The following AGTPBP1 variants were observed in gnomAD, a reference collection of about 807,000 sequenced individuals.
AGTPBP1 encodes cytosolic carboxypeptidase 1.
In AGTPBP1, 70 loss-of-function variants were observed where a neutral mutation model predicts 143.9. The ratio of observed to expected loss-of-function variants is 0.49; its 90% CI spans 0.40 to 0.59. AGTPBP1 has a LOEUF of 0.59. Among genes scored for constraint, AGTPBP1 ranks in the 20% least tolerant of loss-of-function variants. AGTPBP1 has a pLI of 0.00. For missense variants in AGTPBP1, 1,229 were observed against 1,464.5 expected, an observed-to-expected ratio of 0.84 and a Z score of 2.62; for synonymous variants, 463 against 500.2, an observed-to-expected ratio of 0.93 and a Z score of 0.99.
At chr9:85,767,410 C>T in the AGTPBP1 span, among the ~76,000 whole-genome samples, 1 of 150,000 alleles carries the variant, frequency 6.7e-6, no homozygotes, top group Admixed American at 6.7e-5. Flanking sequence ...TGCAGTGGCG[C>T]GATCTCAGCT....
At chr9:85,594,924 A>C (rs1266578618) in intron 18 of AGTPBP1, among the ~76,000 whole-genome samples, 1 of 152,226 alleles carries the variant, frequency 6.6e-6, no homozygotes, top group African/African-American at 2.4e-5. Context: ...TCATTCTTTA[A>C]AAGTCTAAAT....
chr9:85,644,042 T>C (rs1454400969), intron 12 of AGTPBP1, among the ~76,000 whole-genome samples: 1 of 152,116 alleles, frequency 6.6e-6, no homozygotes, highest in African/African-American at 2.4e-5. Flanking sequence ...CTGACCATAC[T>C]TACACATATT....
chr9:85,600,262 C>T (rs1477005539), intron 17 of AGTPBP1, among the ~76,000 whole-genome samples: 8 of 152,134 alleles, frequency 5.3e-5, no homozygotes, highest in Non-Finnish European at 1.2e-4. Context: ...CTTCCTGGGA[C>T]TCAGTGAGCC....
intron 1 of AGTPBP1, among the ~76,000 whole-genome samples, chr9:85,724,424 A>C (rs929570942): frequency 7.9e-5 from 12 of 152,220 alleles, no homozygotes; most frequent in African/African-American, 2.9e-4. Context: ...GTTATATACA[A>C]ACCTGTGTCA....
intron 25 of AGTPBP1, among the ~76,000 whole-genome samples, chr9:85,574,492 A>T (rs917150495): frequency 2.6e-5 from 4 of 151,634 alleles, no homozygotes; most frequent in Admixed American, 2.0e-4. Flanking sequence ...GAATTATGAC[A>T]TGAAATTATC....
At chr9:85,766,913 C>G in the AGTPBP1 span, among the ~76,000 whole-genome samples, 1 of 151,764 alleles carries the variant, frequency 6.6e-6, no homozygotes, top group South Asian at 2.1e-4. Context: ...AAATATTTTT[C>G]CTAATTTTAT....
intron 1 of AGTPBP1, among the ~76,000 whole-genome samples, chr9:85,715,418 A>C: frequency 6.6e-6 from 1 of 152,194 alleles, no homozygotes; most frequent in East Asian, 1.9e-4. Flanking sequence ...TAGCACTCAG[A>C]AACAAGGACG....
intron 12 of AGTPBP1, among the ~76,000 whole-genome samples, chr9:85,643,510 G>A (rs954101877): frequency 1.3e-5 from 2 of 152,096 alleles, no homozygotes; most frequent in African/African-American, 4.8e-5. Flanking sequence ...ATCACACACT[G>A]CCCCAATACA....
chr9:85,710,243 A>G (rs542884658), intron 2 of AGTPBP1, among the ~76,000 whole-genome samples: 1 of 151,846 alleles, frequency 6.6e-6, no homozygotes, highest in Non-Finnish European at 1.5e-5. Flanking sequence ...TTTCTTTTCT[A>G]CTCTCACAGA....
chr9:85,572,729 A>C (rs145860097), intron 25 of AGTPBP1, among the ~76,000 whole-genome samples: 126 of 152,300 alleles, frequency 8.3e-4, no homozygotes, highest in African/African-American at 2.9e-3. Context: ...CACGAATTAA[A>C]AGTTAAAAGG....
At chr9:85,754,504 A>T in the AGTPBP1 span, among the ~76,000 whole-genome samples, 16 of 152,154 alleles carry the variant, frequency 1.1e-4, no homozygotes, top group Non-Finnish European at 2.1e-4. Context: ...ATTTCTAAAA[A>T]TCAGAACTCT....
chr9:85,789,982 G>A, the AGTPBP1 span, among the ~76,000 whole-genome samples: 2 of 152,060 alleles, frequency 1.3e-5, no homozygotes, highest in East Asian at 1.9e-4. Flanking sequence ...AAACAGTGGG[G>A]TATCAGTATT....
intron 2 of AGTPBP1, among the ~76,000 whole-genome samples, chr9:85,693,855 T>C (rs1355245831): frequency 1.3e-5 from 2 of 150,000 alleles, no homozygotes; most frequent in Non-Finnish European, 3.0e-5. Context: ...ACTGAGAAGG[T>C]ACCATTTAAG....
intron 23 of AGTPBP1, among the ~76,000 whole-genome samples, chr9:85,579,352 T>C (rs1173728144): frequency 6.6e-6 from 1 of 152,008 alleles, no homozygotes; most frequent in Admixed American, 6.6e-5. Flanking sequence ...ATAAGCAAAA[T>C]AAAATCATTT....
the AGTPBP1 span, among the ~76,000 whole-genome samples, chr9:85,799,945 A>C: frequency 6.6e-6 from 1 of 152,190 alleles, no homozygotes; most frequent in African/African-American, 2.4e-5. Context: ...TCACCATGGG[A>C]TCCCCAAACC....
chr9:85,633,799 A>G (rs1254402694), intron 13 of AGTPBP1, among the ~76,000 whole-genome samples: 1 of 152,028 alleles, frequency 6.6e-6, no homozygotes, highest in Non-Finnish European at 1.5e-5. Context: ...ACATTTGTAT[A>G]GGGGTAGAAA....
intron 3 of AGTPBP1, among the ~76,000 whole-genome samples, chr9:85,686,443 T>A (rs569965846): frequency 4.6e-5 from 7 of 152,100 alleles, no homozygotes; most frequent in Non-Finnish European, 1.0e-4. Flanking sequence ...ATCTTCACCC[T>A]CTTATAGCCC....
chr9:85,765,928 C>T, the AGTPBP1 span, among the ~76,000 whole-genome samples: 2 of 152,136 alleles, frequency 1.3e-5, no homozygotes, highest in East Asian at 3.9e-4. Context: ...ACATTATAGC[C>T]CTCTGTTGCC....
At chr9:85,770,170 T>C in the AGTPBP1 span, 3 of 693,334 alleles carry the variant, frequency 4.3e-6, no homozygotes, top group East Asian at 8.2e-5. Flanking sequence ...TCTTAAAATG[T>C]AGTACAAGAG....
Sources: gnomAD v4.1 joint callset for allele counts (sites outside exome capture counted in the v4.1 genomes callset) on GRCh38, gnomAD v4.1.1 for gene constraint, MANE v1.5 for transcripts, NCBI Gene and HGNC (gene_info 2026-07-23, HGNC 2026-07-21) for gene names.